STYK1: variants seen among roughly 807,000 people sequenced by gnomAD.
STYK1 encodes tyrosine-protein kinase STYK1.
STYK1 carries 46 observed loss-of-function variants against 48.1 expected under a neutral mutation model. The ratio of observed to expected loss-of-function variants is 0.96; its 90% confidence interval spans 0.75 to 1.22. The LOEUF is 1.22. STYK1 is among the 50% of genes most tolerant of loss of function. The probability of loss-of-function intolerance (pLI) is 0.00; values close to 1 mark genes in which losing one functional copy is unlikely to be tolerated. For missense variants in STYK1, 527 were observed against 521.1 expected (o/e 1.01, Z -0.11); for synonymous variants, 188 against 189.0 (o/e 0.99, Z 0.04).
intron 7 of STYK1, among the ~76,000 whole-genome samples, chr12:10,627,120 A>C (rs1165737888): frequency 6.6e-6 from 1 of 152,220 alleles, no homozygotes. Flanking sequence ...TTTTATAATT[A>C]TATGTACTCC....
chr12:10,630,315 G>A (rs751061680), intron 5 of STYK1, among the ~76,000 whole-genome samples: 13 of 150,326 alleles, frequency 8.6e-5, no homozygotes, highest in Non-Finnish European at 1.3e-4. Context: ...AAACCTGGGA[G>A]GCGGAGGTTG....
At chr12:10,624,320 A>G (rs985518175) in intron 8 of STYK1, among the ~76,000 whole-genome samples, 8 of 151,078 alleles carry the variant, frequency 5.3e-5, no homozygotes, top group Non-Finnish European at 1.2e-4. Flanking sequence ...GCTTCTAGGG[A>G]GGCTGAGGTG....
chr12:10,652,382 A>G (rs558710641), intron 1 of STYK1, among the ~76,000 whole-genome samples: 1 of 152,350 alleles, frequency 6.6e-6, no homozygotes, highest in Non-Finnish European at 1.5e-5. Context: ...AACGGGTCAT[A>G]GAATTGCGCA....
At chr12:10,670,351 T>C (rs897101200) in intron 1 of STYK1, among the ~76,000 whole-genome samples, 1 of 152,178 alleles carries the variant, frequency 6.6e-6, no homozygotes, top group Non-Finnish European at 1.5e-5. Flanking sequence ...AATGGATAAA[T>C]GAATAAAGTA....
chr12:10,663,435 T>C (rs1378189579), intron 1 of STYK1, among the ~76,000 whole-genome samples: 1 of 151,714 alleles, frequency 6.6e-6, no homozygotes, highest in Non-Finnish European at 1.5e-5. Flanking sequence ...CCGTCTCTAC[T>C]AAAAATACAA....
At chr12:10,635,087 T>C (rs564605962) in intron 2 of STYK1, among the ~76,000 whole-genome samples, 2 of 152,342 alleles carry the variant, frequency 1.3e-5, no homozygotes, top group African/African-American at 4.8e-5. Context: ...GCATGTCTAA[T>C]ATATTTTTTT....
At chr12:10,635,652 ATTC>A (rs1305161735) in intron 2 of STYK1, among the ~76,000 whole-genome samples, 1 of 152,130 alleles carries the variant, frequency 6.6e-6, no homozygotes, top group East Asian at 1.9e-4. Flanking sequence ...TCTCCCCCCC[ATTC>A]TTCTCCATTT....
At chr12:10,646,543 A>G (rs565394138) in intron 1 of STYK1, among the ~76,000 whole-genome samples, 3 of 152,346 alleles carry the variant, frequency 2.0e-5, no homozygotes, top group African/African-American at 7.2e-5. Flanking sequence ...ACAGAGCACA[A>G]AAGTTTGGAA....
Position 10,619,902 on chromosome 12 carries a change from AC to A in STYK1, c.*241del. The A allele has an allele frequency of 1.7e-6, 1 of 592,734 alleles. No homozygotes were observed. Among genetic ancestry groups the A allele is most frequent in the Non-Finnish European group, 3.0e-6 (1 of 335,482 alleles). 36.7% of individuals were successfully genotyped at this position (592,734 alleles called of 1,614,324 possible). A position where few individuals can be genotyped will look rare whatever the true frequency, so the allele number is the denominator to read the frequency against. On this transcript the variant is annotated 3_prime_UTR_variant, in exon 11 of 11. Coordinates refer to ENST00000075503, the MANE Select transcript of STYK1 (RefSeq NM_018423.3). ...AAAACCTCCTTTGCACAGGTCCACC[AC>A]TTCTACCCAGGATTTCTAGGACTGG...
chr12:10,637,640 C>T (rs1012699530), intron 1 of STYK1, among the ~76,000 whole-genome samples: 1 of 152,000 alleles, frequency 6.6e-6, no homozygotes, highest in Non-Finnish European at 1.5e-5. Flanking sequence ...TGCGCCTGGC[C>T]GAGTCTAGGA....
At chr12:10,652,679 T>C (rs192179815) in intron 1 of STYK1, among the ~76,000 whole-genome samples, 79 of 152,362 alleles carry the variant, frequency 5.2e-4, no homozygotes, top group African/African-American at 1.9e-3. Context: ...CCGTATCATT[T>C]GTTGACCACA....
intron 8 of STYK1, among the ~76,000 whole-genome samples, chr12:10,624,172 G>A (rs1292019382): frequency 6.6e-6 from 1 of 151,350 alleles, no homozygotes; most frequent in Non-Finnish European, 1.5e-5. Context: ...TGTAATCCCA[G>A]CACTTTGGGA....
chr12:10,639,406 T>C (rs992531058), intron 1 of STYK1, among the ~76,000 whole-genome samples: 1 of 151,942 alleles, frequency 6.6e-6, no homozygotes, highest in Non-Finnish European at 1.5e-5. Context: ...GATTAAGTTA[T>C]AAATTGGCCA....
intron 1 of STYK1, among the ~76,000 whole-genome samples, chr12:10,653,746 A>C (rs1455322256): frequency 6.6e-6 from 1 of 152,212 alleles, no homozygotes; most frequent in Non-Finnish European, 1.5e-5. Context: ...AGGTATATGA[A>C]TATTGCTAGC....
chr12:10,668,297 TGA>T (rs1947855845), intron 1 of STYK1, among the ~76,000 whole-genome samples: 1 of 152,054 alleles, frequency 6.6e-6, no homozygotes, highest in South Asian at 2.1e-4. Flanking sequence ...TCCCCCGGAC[TGA>T]GAGAGGACTC....
chr12:10,646,636 G>C (rs1315687865), intron 1 of STYK1, among the ~76,000 whole-genome samples: 1 of 152,238 alleles, frequency 6.6e-6, no homozygotes, highest in African/African-American at 2.4e-5. Flanking sequence ...ATTTGCATAA[G>C]TAACAAGGAG....
At chr12:10,629,750 A>ACTTGAGAATTAACAT in intron 5 of STYK1, 76 bp from the exon 6 acceptor site, 1 of 1,555,012 alleles carries the variant, frequency 6.4e-7, no homozygotes, top group Non-Finnish European at 8.8e-7. Context: ...GCAGGAGGCA[A>ACTTGAGAATTAACAT]CTTAAGATGT....
At chr12:10,671,355 T>G (rs1333913019) in intron 1 of STYK1, among the ~76,000 whole-genome samples, 1 of 152,150 alleles carries the variant, frequency 6.6e-6, no homozygotes, top group Non-Finnish European at 1.5e-5. Flanking sequence ...ATGGAATGAA[T>G]CAACTGACCT....
At chr12:10,663,257 A>G (rs2418094) in intron 1 of STYK1, among the ~76,000 whole-genome samples, 82,986 of 151,876 alleles carry the variant, frequency 0.55, 23,352 homozygotes, top group East Asian at 0.78. Flanking sequence ...GGGATTATAG[A>G]CACGTGCCAC....
Sources: allele counts gnomAD v4.1 joint callset (sites outside exome capture counted in the v4.1 genomes callset), GRCh38; gene constraint gnomAD v4.1.1; transcripts MANE v1.5; gene names NCBI Gene and HGNC (gene_info 2026-07-23, HGNC 2026-07-21).